The following BEGAIN variants were observed in gnomAD, a reference collection of about 807,000 sequenced individuals.
BEGAIN encodes brain enriched guanylate kinase associated.
In BEGAIN, 19 loss-of-function variants were observed where a neutral mutation model predicts 35.8. The observed-to-expected ratio is 0.53, with a 90% CI of 0.37 to 0.78. The LOEUF is 0.78. BEGAIN is among the 30% of genes least tolerant of loss of function. BEGAIN has a pLI of 0.00. For missense variants in BEGAIN, 795 were observed against 853.6 expected (o/e 0.93, Z 0.85); for synonymous variants, 462 against 388.6 (o/e 1.19, Z -2.22).
At chr14:100,542,482 G>C (rs112740193) in intron 5 of BEGAIN, among the ~76,000 whole-genome samples, 2 of 152,118 alleles carry the variant, frequency 1.3e-5, no homozygotes, top group Non-Finnish European at 1.5e-5. Flanking sequence ...CTCCAGACCC[G>C]GGCCTCCTGC....
At chr14:100,575,741 G>T (rs541949119) in intron 1 of BEGAIN, among the ~76,000 whole-genome samples, 6 of 152,100 alleles carry the variant, frequency 3.9e-5, no homozygotes, top group Admixed American at 3.3e-4. Context: ...GCCACCTCCC[G>T]CTTCAAGGAG....
intron 5 of BEGAIN, among the ~76,000 whole-genome samples, chr14:100,543,592 G>C (rs916629409): frequency 6.6e-6 from 1 of 152,204 alleles, no homozygotes; most frequent in Non-Finnish European, 1.5e-5. Context: ...CCTAGCTCAA[G>C]TCCTTACAGC....
rs1360903167 is a variant in BEGAIN, at chr14:100,563,559, GC to G, written c.71+4351del. ...TTGGTAGAAAATGCGCACGGCCTTC[GC>G]CGGTGAGGAAACCCAGCGGGCAGCA... is the stretch of plus-strand genomic sequence containing the variant. On this transcript the variant is annotated intron_variant, in intron 2 of 6. Transcript: ENST00000554140. This position sits in a 1 kb window ranked among gnomAD's most constrained non-coding sequence, Gnocchi z 4.2. Among the ~76,000 whole-genome samples the G allele has an allele frequency of 1.3e-5, 2 of 152,220 alleles. No homozygotes were observed. Among genetic ancestry groups the G allele is most frequent in the Admixed American group, 1.3e-4 (2 of 15,288 alleles).
At chr14:100,543,713 C>T in intron 5 of BEGAIN, 145 bp downstream of exon 5, 1 of 654,312 alleles carries the variant, frequency 1.5e-6, no homozygotes, top group Middle Eastern at 3.1e-4. Flanking sequence ...TCCACCTGTA[C>T]CCTGCACCAG....
rs1409366701 is a variant in BEGAIN at position 100,567,755 on chromosome 14, C to A, written c.71+156G>T. 6.6e-6 allele frequency among the ~76,000 whole-genome samples: 1 copy of A among 150,942 alleles called. No homozygotes were observed. Among genetic ancestry groups the A allele is most frequent in the East Asian group, 2.0e-4 (1 of 5,084 alleles). ...CCCAGCGCCTCGCGGCGCGCACACA[C>A]GCACCACACACACGCACCTGGCCCG... On this transcript the variant is annotated intron_variant, in intron 2 of 6. Coordinates refer to ENST00000554140, the MANE Select transcript of BEGAIN (RefSeq NM_001385089.1). This position sits in a 1 kb window ranked among gnomAD's most constrained non-coding sequence, Gnocchi z 5.1.
intron 1 of BEGAIN, chr14:100,578,070 C>T: frequency 2.5e-6 from 1 of 397,998 alleles, no homozygotes; most frequent in Non-Finnish European, 4.4e-6. Flanking sequence ...CCTCACAGGC[C>T]AGGGCTGCCT....
chr14:100,556,814 GA>G (rs781348812), intron 2 of BEGAIN, among the ~76,000 whole-genome samples: 4 of 152,192 alleles, frequency 2.6e-5, no homozygotes, highest in Non-Finnish European at 5.9e-5. Context: ...GTCCCCTAGT[GA>G]GGGGACAGCT....
At chr14:100,550,091 A>T (rs900640950) in intron 2 of BEGAIN, among the ~76,000 whole-genome samples, 1 of 151,994 alleles carries the variant, frequency 6.6e-6, no homozygotes, top group Non-Finnish European at 1.5e-5. Flanking sequence ...TGCGCACGTG[A>T]TTCTTGGCTC....
At position 100,538,743 on chromosome 14, in the gene BEGAIN, G is replaced by A. The variant is rs373679421; in HGVS notation, c.1065C>T (p.Arg355=). The A allele has an allele frequency of 2.5e-6, 4 of 1,571,594 alleles. No individual in the cohort carries two copies. Among genetic ancestry groups the A allele is most frequent in the Non-Finnish European group, 3.5e-6 (4 of 1,159,258 alleles). ...CCTCGTAGGTGGTGGCGGGTGGCTT[G>A]CGGTCGAAGAGCTCGTCGCGGCTGT... The part of the protein sequence containing the change: ...YLNSRDELFD[R]KPPATTYEGS... The change falls in exon 7 of 7, where the codon CGC becomes CGT. Residue 355 remains arginine, a synonymous_variant. Transcript: ENST00000554140.
chr14:100,547,741 T>A (rs1317278582), intron 2 of BEGAIN: 1 of 152,270 alleles, frequency 6.6e-6, no homozygotes, highest in Non-Finnish European at 1.5e-5. Context: ...GAAGGAAACT[T>A]GAGGTGTGGG....
In BEGAIN at chr14:100,586,472, C is replaced by T. The variant is rs545784933; in HGVS notation, c.42+777G>A. On this transcript the variant is annotated intron_variant, in intron 1 of 6. Coordinates refer to ENST00000554140, the MANE Select transcript of BEGAIN (RefSeq NM_001385089.1). This position sits in a 1 kb window ranked among gnomAD's most constrained non-coding sequence, Gnocchi z 4.9. ...AGGAGACTCCAGCGCGTCGCCCACG[C>T]TGTTCCTGCCCTGAGGAAACCACAT... Among the ~76,000 whole-genome samples the T allele has an allele frequency of 4.9e-4, 74 of 152,298 alleles. No individual in the cohort carries two copies. The highest frequency in any genetic ancestry group is 8.8e-4 in the Non-Finnish European group (60 of 68,022).
chr14:100,583,888 G>C (rs1204922248), intron 1 of BEGAIN, among the ~76,000 whole-genome samples: 1 of 151,680 alleles, frequency 6.6e-6, no homozygotes, highest in Admixed American at 6.6e-5. Context: ...TTATAGAGAC[G>C]GGGTTTCACC....
intron 4 of BEGAIN, among the ~76,000 whole-genome samples, chr14:100,544,793 G>A (rs560489983): frequency 4.6e-5 from 7 of 152,156 alleles, no homozygotes; most frequent in Non-Finnish European, 1.0e-4. Context: ...GCTCGCACCC[G>A]CCACTCAGGC....
At chr14:100,571,611 C>A (rs903427588) in intron 1 of BEGAIN, among the ~76,000 whole-genome samples, 1 of 152,174 alleles carries the variant, frequency 6.6e-6, no homozygotes, top group Non-Finnish European at 1.5e-5. Flanking sequence ...GGCACCCGGG[C>A]ACAGAGACTG....
Position 100,538,191 on chromosome 14 carries a change from G to C in BEGAIN, c.1617C>G (p.Asp539Glu). The part of the protein sequence containing the change: ...LPGYAPSEGG[D>E]GDRLGVQLCG... ...ACAGCTGCACCCCGAGCCTGTCCCC[G>C]TCCCCCCCCTCGCTGGGTGCATAGC... The change falls in exon 7 of 7, where the codon GAC (aspartate) becomes GAG (glutamate). Residue 539 changes from aspartate to glutamate, a missense_variant. Coordinates refer to ENST00000554140, the MANE Select transcript of BEGAIN (RefSeq NM_001385089.1). The C allele has an allele frequency of 6.5e-7, 1 of 1,547,300 alleles. No individual in the cohort carries two copies. Among genetic ancestry groups the C allele is most frequent in the East Asian group, 2.4e-5 (1 of 42,374 alleles).
intron 2 of BEGAIN, among the ~76,000 whole-genome samples, chr14:100,561,201 G>C (rs1384766520): frequency 1.3e-5 from 2 of 152,182 alleles, no homozygotes; most frequent in Non-Finnish European, 2.9e-5. Flanking sequence ...CCCGCCCCCA[G>C]CTCAGAGACC....
chr14:100,584,053 C>T (rs1464602322), intron 1 of BEGAIN, among the ~76,000 whole-genome samples: 2 of 152,166 alleles, frequency 1.3e-5, no homozygotes, highest in Admixed American at 1.3e-4. Flanking sequence ...TAGTGCTTCC[C>T]TTCCATACAG....
chr14:100,557,174 G>A (rs960661385), intron 2 of BEGAIN, among the ~76,000 whole-genome samples: 1 of 151,500 alleles, frequency 6.6e-6, no homozygotes, highest in Non-Finnish European at 1.5e-5. Flanking sequence ...CCAAACCCAG[G>A]CCCCCAATCC....
At chr14:100,543,333 A>T (rs1328623910) in intron 5 of BEGAIN, among the ~76,000 whole-genome samples, 1 of 147,660 alleles carries the variant, frequency 6.8e-6, no homozygotes, top group Non-Finnish European at 1.5e-5. Context: ...TGTTGTTCAC[A>T]CCATCATCTT....
Sources: gnomAD v4.1 joint callset for allele counts (sites outside exome capture counted in the v4.1 genomes callset) on GRCh38, gnomAD v4.1.1 for gene constraint, Gnocchi (gnomAD v3.1) non-coding constraint, MANE v1.5 for transcripts, NCBI Gene and HGNC (gene_info 2026-07-23, HGNC 2026-07-21) for gene names.